Variants in PAFAH1B1 observed in about 807,000 individuals in gnomAD.
PAFAH1B1 encodes the protein platelet activating factor acetylhydrolase 1b regulatory subunit 1.
Under a neutral mutation model 57.5 loss-of-function variants are expected in PAFAH1B1, and 2 were observed. That is an observed-to-expected ratio of 0.03 (90% confidence interval 0.01 to 0.11). The LOEUF is 0.11. PAFAH1B1 is among the 10% of genes least tolerant of loss of function. PAFAH1B1 has a pLI of 1.00. For missense variants in PAFAH1B1, 257 were observed against 512.0 expected, an observed-to-expected ratio of 0.50 and a Z score of 4.81; for synonymous variants, 152 against 169.6, an observed-to-expected ratio of 0.90 and a Z score of 0.81.
At chr17:2,642,263 A>C (rs1364521473) in intron 2 of PAFAH1B1, 1 of 152,246 alleles carries the variant, frequency 6.6e-6, no homozygotes, top group African/African-American at 2.4e-5. Context: ...CCAAGTCCAG[A>C]AATCCAAAAT....
intron 1 of PAFAH1B1, among the ~76,000 whole-genome samples, chr17:2,617,529 C>CT (rs1359757841): frequency 6.6e-6 from 1 of 152,136 alleles, no homozygotes; most frequent in Non-Finnish European, 1.5e-5. Flanking sequence ...AACCTGATCT[C>CT]TTTTTTTGTT....
rs142696136 is a variant in PAFAH1B1, at chr17:2,620,626, G to T, written c.-190-17473G>T. Reference sequence around the variant, plus strand: ...TGCCTGTAATCCCAGCACTTTGGGAGGCCGAGGTCGGTAGATCACAAGGTC... The same window carrying T: ...TGCCTGTAATCCCAGCACTTTGGGATGCCGAGGTCGGTAGATCACAAGGTC... On this transcript the variant is annotated intron_variant, in intron 1 of 10. Transcript: ENST00000397195. 6.4e-3 allele frequency among the ~76,000 whole-genome samples: 973 copies of T among 152,258 alleles called. 14 individuals carry two copies. The highest frequency in any genetic ancestry group is 0.022 in the African/African-American group (935 of 41,558).
intron 1 of PAFAH1B1, among the ~76,000 whole-genome samples, chr17:2,596,888 G>A (rs2068088892): frequency 6.6e-6 from 1 of 151,980 alleles, no homozygotes; most frequent in Admixed American, 6.6e-5. Context: ...GTGAAACCCC[G>A]TCTCTACTAA....
intron 1 of PAFAH1B1, among the ~76,000 whole-genome samples, chr17:2,597,110 T>G (rs1017090797): frequency 5.9e-5 from 9 of 152,138 alleles, no homozygotes; most frequent in African/African-American, 2.2e-4. Flanking sequence ...TTCAGTAGAT[T>G]GTTGTTAATC....
At chr17:2,664,752 G>A (rs2069081277) in intron 2 of PAFAH1B1, among the ~76,000 whole-genome samples, 2 of 150,332 alleles carry the variant, frequency 1.3e-5, no homozygotes, top group South Asian at 2.1e-4. Flanking sequence ...TGTATAAAGG[G>A]TACTCAAACT....
At chr17:2,594,146 G>A (rs935205757) in intron 1 of PAFAH1B1, 140 bp downstream of exon 1, 5 of 393,272 alleles carry the variant, frequency 1.3e-5, no homozygotes, top group Admixed American at 4.5e-5. Flanking sequence ...CTCCGCCGCC[G>A]CCTCCTCCTT....
At chr17:2,614,242 G>C (rs978859938) in intron 1 of PAFAH1B1, among the ~76,000 whole-genome samples, 2 of 151,894 alleles carry the variant, frequency 1.3e-5, no homozygotes, top group Non-Finnish European at 2.9e-5. Flanking sequence ...TGCCCAGGCT[G>C]ATCTCAAACT....
chr17:2,647,959 A>G (rs1020969752), intron 2 of PAFAH1B1, among the ~76,000 whole-genome samples: 2 of 152,234 alleles, frequency 1.3e-5, no homozygotes, highest in African/African-American at 4.8e-5. Flanking sequence ...ATCCGAGATC[A>G]TGCCGCTGCA....
chr17:2,608,613 G>T (rs895828331), intron 1 of PAFAH1B1, among the ~76,000 whole-genome samples: 7 of 152,168 alleles, frequency 4.6e-5, no homozygotes, highest in Admixed American at 3.9e-4. Context: ...ACCAGCCTGG[G>T]CAACATAGTG....
chr17:2,625,369 A>G (rs1005087707), intron 1 of PAFAH1B1, among the ~76,000 whole-genome samples: 1 of 152,184 alleles, frequency 6.6e-6, no homozygotes, highest in Non-Finnish European at 1.5e-5. Flanking sequence ...CTTATTCGTT[A>G]TTTTGACTTT....
intron 2 of PAFAH1B1, among the ~76,000 whole-genome samples, chr17:2,661,663 G>T (rs896647997): frequency 9.2e-5 from 14 of 152,172 alleles, no homozygotes; most frequent in Middle Eastern, 3.4e-3. Flanking sequence ...CTCTTTAAAT[G>T]GGTCTAGTAA....
intron 1 of PAFAH1B1, among the ~76,000 whole-genome samples, chr17:2,615,802 A>G (rs560460278): frequency 6.6e-6 from 1 of 152,326 alleles, no homozygotes; most frequent in African/African-American, 2.4e-5. Context: ...CAACAAATGA[A>G]CACATCTGGG....
At chr17:2,610,594 CACATAAA>C (rs1245580148) in intron 1 of PAFAH1B1, among the ~76,000 whole-genome samples, 3 of 152,122 alleles carry the variant, frequency 2.0e-5, no homozygotes, top group Non-Finnish European at 4.4e-5. Flanking sequence ...TCTTGGGCTA[CACATAAA>C]ATACACTAAC....
intron 9 of PAFAH1B1, among the ~76,000 whole-genome samples, chr17:2,678,260 G>C (rs921638876): frequency 6.6e-6 from 1 of 152,020 alleles, no homozygotes; most frequent in Non-Finnish European, 1.5e-5. Flanking sequence ...AATTAGCCAG[G>C]CATGGTGGCA....
At chr17:2,630,183 T>C (rs548291891) in intron 1 of PAFAH1B1, among the ~76,000 whole-genome samples, 7 of 152,318 alleles carry the variant, frequency 4.6e-5, no homozygotes, top group African/African-American at 1.7e-4. Context: ...CTTTTTAACT[T>C]GAATTTTTGT....
chr17:2,674,546 A>G (rs1446036024), intron 8 of PAFAH1B1, among the ~76,000 whole-genome samples: 1 of 152,230 alleles, frequency 6.6e-6, no homozygotes, highest in African/African-American at 2.4e-5. Flanking sequence ...TATCAGAAAA[A>G]TCAGTGTTAT....
chr17:2,657,279 T>G lies in PAFAH1B1; in HGVS notation c.33-8093T>G, dbSNP rs1389058510. 5.3e-5 allele frequency among the ~76,000 whole-genome samples: 8 copies of G among 152,342 alleles called. No homozygotes were observed. In the East Asian group the frequency reaches 1.3e-3, roughly 26 times the overall value. On this transcript the variant is annotated intron_variant, in intron 2 of 10. Coordinates refer to ENST00000397195, the MANE Select transcript of PAFAH1B1 (RefSeq NM_000430.4). ...GTTTTTTGAGACAAGAGTCTCACTG[T>G]GTCACCCAGGCTGTAAGGCAGTGGC...
intron 2 of PAFAH1B1, among the ~76,000 whole-genome samples, chr17:2,651,335 G>A (rs2068846257): frequency 6.6e-6 from 1 of 151,222 alleles, no homozygotes; most frequent in South Asian, 2.1e-4. Context: ...CTAGCATTTT[G>A]GGAGACTGAG....
intron 1 of PAFAH1B1, among the ~76,000 whole-genome samples, 173 bp downstream of exon 1, chr17:2,594,179 A>G (rs2068057159): frequency 6.6e-6 from 1 of 151,642 alleles, no homozygotes. Context: ...TCGCTCTCAA[A>G]ATGGCGGCCG....
Sources: allele counts gnomAD v4.1 joint callset (sites outside exome capture counted in the v4.1 genomes callset), GRCh38; gene constraint gnomAD v4.1.1; transcripts MANE v1.5; gene names NCBI Gene and HGNC (gene_info 2026-07-23, HGNC 2026-07-21).